Variants in MYH11 observed in about 807,000 individuals in gnomAD.
The protein encoded by MYH11 is myosin-11.
A neutral mutation model predicts 246.6 loss-of-function variants in MYH11; 80 were observed. The observed-to-expected ratio is 0.32, with a 90% CI of 0.27 to 0.39. The LOEUF (loss-of-function observed/expected upper bound fraction) is 0.39. Ranked by LOEUF, MYH11 falls within the 10% of genes least tolerant of loss-of-function variation. The pLI is 1.00. For synonymous variants in MYH11, 1,071 were observed against 1,015.5 expected, an observed-to-expected ratio of 1.05 and a Z score of -1.04; for missense variants, 2,158 against 2,546.8, an observed-to-expected ratio of 0.85 and a Z score of 3.29.
chr16:15,744,487 C>G (rs1192615952), intron 20 of MYH11, among the ~76,000 whole-genome samples: 1 of 150,838 alleles, frequency 6.6e-6, no homozygotes, highest in Non-Finnish European at 1.5e-5. Context: ...GCCACCGTGC[C>G]TGGCCTTTTT....
At chr16:15,717,650 C>T in intron 37 of MYH11, 2 of 485,350 alleles carry the variant, frequency 4.1e-6, no homozygotes, top group Non-Finnish European at 3.7e-6. Context: ...CAAAAATTAG[C>T]CGGGCAGTGG....
intron 1 of MYH11, among the ~76,000 whole-genome samples, chr16:15,855,220 C>A (rs1354357795): frequency 6.6e-6 from 1 of 152,200 alleles, no homozygotes; most frequent in African/African-American, 2.4e-5. Flanking sequence ...CCAGCTAGTT[C>A]ACGTTCTGGA....
chr16:15,721,095 A>G, intron 32 of MYH11, 44 bp from the exon 33 acceptor site: 1 of 1,601,662 alleles, frequency 6.2e-7, no homozygotes, highest in Non-Finnish European at 8.5e-7. Context: ...GCTCAACTTC[A>G]TGAAGACGAT....
At chr16:15,732,254 C>T (rs960031530) in intron 27 of MYH11, among the ~76,000 whole-genome samples, 2 of 152,042 alleles carry the variant, frequency 1.3e-5, no homozygotes, top group African/African-American at 4.8e-5. Context: ...TGAGCCACCA[C>T]GCCTGGCCTA....
chr16:15,763,747 A>ACCCCCCCCCCC, intron 10 of MYH11, 49 bp downstream of exon 10: 1 of 349,142 alleles, frequency 2.9e-6, no homozygotes. Flanking sequence ...CACCTCCCCC[A>ACCCCCCCCCCC]CCCCCCCAAC....
At chr16:15,717,393 A>AAG (rs780854790) in intron 37 of MYH11, 45 bp from the exon 38 acceptor site, 11 of 1,593,658 alleles carry the variant, frequency 6.9e-6, no homozygotes. Context: ...AGGGAAGCCC[A>AAG]AGAGAGCGCA....
At chr16:15,707,996 G>T (rs2039557164) in intron 40 of MYH11, among the ~76,000 whole-genome samples, 1 of 150,058 alleles carries the variant, frequency 6.7e-6, no homozygotes, top group African/African-American at 2.5e-5. Context: ...TCCCAGAGCA[G>T]CAGAGACCTC....
intron 2 of MYH11, among the ~76,000 whole-genome samples, chr16:15,828,285 CTCAA>C (rs1026939900): frequency 1.3e-5 from 2 of 152,270 alleles, no homozygotes; most frequent in Middle Eastern, 3.4e-3. Context: ...GTAGTAGGTG[CTCAA>C]TCAATGTTAT....
At chr16:15,737,740 C>T in intron 24 of MYH11, 120 bp from the exon 25 acceptor site, 1 of 1,037,254 alleles carries the variant, frequency 9.6e-7, no homozygotes, top group Non-Finnish European at 1.5e-6. Context: ...CAGTAACCAT[C>T]ATAGTCACGG....
intron 13 of MYH11, 119 bp from the exon 14 acceptor site, chr16:15,756,633 C>T (rs1190638801): frequency 9.5e-7 from 1 of 1,049,460 alleles, no homozygotes; most frequent in Non-Finnish European, 1.4e-6. Flanking sequence ...CTGTATTTGC[C>T]CACATATAAA....
intron 40 of MYH11, among the ~76,000 whole-genome samples, chr16:15,710,356 A>G (rs2039710229): frequency 6.6e-6 from 1 of 152,072 alleles, no homozygotes; most frequent in South Asian, 2.1e-4. Flanking sequence ...CCTTGCCACT[A>G]CTAAAAATAC....
intron 1 of MYH11, among the ~76,000 whole-genome samples, chr16:15,850,839 G>A (rs990438711): frequency 1.3e-5 from 2 of 152,122 alleles, no homozygotes; most frequent in Non-Finnish European, 1.5e-5. Context: ...AGGTTGCAGT[G>A]AGCCAAGATC....
At chr16:15,823,474 C>T in intron 2 of MYH11, 63 bp from the exon 3 acceptor site, 4 of 1,594,874 alleles carry the variant, frequency 2.5e-6, no homozygotes, top group Non-Finnish European at 3.4e-6. Context: ...TGCACAGAAG[C>T]ACTCAATATT....
chr16:15,843,807 G>T (rs553823029), intron 1 of MYH11, among the ~76,000 whole-genome samples: 17 of 152,244 alleles, frequency 1.1e-4, no homozygotes, highest in Admixed American at 2.6e-4. Context: ...ATTTCCTGGT[G>T]CATTAGCTTC....
chr16:15,775,512 G>A (rs1233885149), intron 8 of MYH11, among the ~76,000 whole-genome samples: 1 of 152,166 alleles, frequency 6.6e-6, no homozygotes, highest in Non-Finnish European at 1.5e-5. Context: ...GCCTGTGGCT[G>A]CTCTTGTATT....
chr16:15,835,145 G>A (rs959231294), intron 2 of MYH11, among the ~76,000 whole-genome samples: 1 of 150,802 alleles, frequency 6.6e-6, no homozygotes, highest in African/African-American at 2.4e-5. Context: ...TCTTTAAAAA[G>A]CCACTCTAAC....
At chr16:15,762,982 G>A (rs903644733) in intron 10 of MYH11, among the ~76,000 whole-genome samples, 9 of 152,292 alleles carry the variant, frequency 5.9e-5, no homozygotes, top group Admixed American at 2.0e-4. Flanking sequence ...TGGTAGCCAG[G>A]CCAGCTTCTC....
intron 8 of MYH11, 187 bp downstream of exon 8, chr16:15,775,891 G>A (rs2042210064): frequency 1.5e-6 from 1 of 649,066 alleles, no homozygotes; most frequent in Non-Finnish European, 2.8e-6. Context: ...CTCAGTAAAT[G>A]AGAATGACTG....
rs1256416094 is a variant in MYH11 at position 15,720,250 on chromosome 16, T to C, written c.4854A>G (p.Ala1618=). 1.2e-6 allele frequency: 2 copies of C among 1,614,180 alleles called. No individual in the cohort carries two copies. Among genetic ancestry groups the C allele is most frequent in the Non-Finnish European group, 1.7e-6 (2 of 1,180,022 alleles). ...ERKQRALAAA[A]KKKLEGDLKD... ...TCAGGTCCCCTTCCAGCTTCTTCTTTGCTGCAGCTGCCAGGGCACGTTGCT... is the reference window on the plus strand; with the variant it reads ...TCAGGTCCCCTTCCAGCTTCTTCTTCGCTGCAGCTGCCAGGGCACGTTGCT... The change falls in exon 34 of 41, where the codon GCA becomes GCG. Residue 1618 remains alanine, a synonymous_variant. Coordinates refer to ENST00000300036, the MANE Select transcript of MYH11 (RefSeq NM_002474.3).
Sources: gnomAD v4.1 joint callset for allele counts (sites outside exome capture counted in the v4.1 genomes callset) on GRCh38, gnomAD v4.1.1 for gene constraint, MANE v1.5 for transcripts, NCBI Gene and HGNC (gene_info 2026-07-23, HGNC 2026-07-21) for gene names.